NME6: variants seen among roughly 807,000 people sequenced by gnomAD.
The protein encoded by NME6 is nucleoside diphosphate kinase 6, mitochondrial.
Under a neutral mutation model 22.2 loss-of-function variants are expected in NME6, and 16 were observed. That is an observed-to-expected ratio of 0.72 (90% CI 0.49 to 1.09). NME6 has a LOEUF of 1.09. Among genes scored for constraint, NME6 ranks in the 50% least tolerant of loss-of-function variants. NME6 has a pLI of 0.00. For missense variants in NME6, 229 were observed against 239.0 expected, an observed-to-expected ratio of 0.96 and a Z score of 0.28; for synonymous variants, 58 against 85.2, an observed-to-expected ratio of 0.68 and a Z score of 1.76.
chr3:48,292,432 T>C lies in NME6; in HGVS notation c.*2205A>G, dbSNP rs1329713165. 1.3e-5 allele frequency: 2 copies of C among 152,216 alleles called. No homozygotes were observed. The highest frequency in any genetic ancestry group is 2.9e-5 in the Non-Finnish European group (2 of 68,042). The allele number at this position is 152,216 out of a possible 1,614,324, so 9.4% of individuals were successfully genotyped here. A position where few individuals can be genotyped will look rare whatever the true frequency, so the allele number is the denominator to read the frequency against. Reference sequence around the variant, plus strand: ...AATTCTGTGTCTCTTGTGGGTGTCTTAATTGTCAGATTTTGTACGCTTTGA... The same window carrying C: ...AATTCTGTGTCTCTTGTGGGTGTCTCAATTGTCAGATTTTGTACGCTTTGA... On this transcript the variant is annotated 3_prime_UTR_variant, in exon 6 of 6. Coordinates refer to ENST00000442597, the MANE Select transcript of NME6 (RefSeq NM_001308426.2).
chr3:48,301,155 G>A (rs2035656945), intron 1 of NME6, 198 bp downstream of exon 1: 1 of 1,050,374 alleles, frequency 9.5e-7, no homozygotes, highest in Middle Eastern at 3.3e-4. Context: ...ACCCACGCGC[G>A]GCCGGGACCT....
chr3:48,299,195 C>T, intron 1 of NME6: 1 of 497,900 alleles, frequency 2.0e-6, no homozygotes, highest in Non-Finnish European at 3.6e-6. Flanking sequence ...GAAACAGTGC[C>T]TGACACAAAG....
chr3:48,296,761 C>G lies in NME6; in HGVS notation c.159G>C (p.Lys53Asn). The change falls in exon 3 of 6, where the codon AAG becomes AAC. Residue 53 changes from lysine to asparagine, a missense_variant. Lys to Asn is a moderately conservative substitution (Grantham distance 94). Coordinates refer to ENST00000442597, the MANE Select transcript of NME6 (RefSeq NM_001308426.2). ...CTCGGTAAAACCTCTGGCAATCTTCCTTTCTCCACAGTAGTTCTCTCATTC... is the reference window on the plus strand; with the variant it reads ...CTCGGTAAAACCTCTGGCAATCTTCGTTTCTCCACAGTAGTTCTCTCATTC... ...IVRMRELLWR[K>N]EDCQRFYREH... The G allele has an allele frequency of 6.2e-7, 1 of 1,613,752 alleles. No individual in the cohort carries two copies. Among genetic ancestry groups the G allele is most frequent in the South Asian group, 1.1e-5 (1 of 91,058 alleles).
chr3:48,296,249 A>T, intron 3 of NME6, 91 bp from the exon 4 acceptor site: 1 of 1,573,652 alleles, frequency 6.4e-7, no homozygotes. Context: ...AGAATAATAA[A>T]AATTGTTTCA....
Position 48,293,596 on chromosome 3 carries a change from A to G in NME6, c.*1041T>C, listed in dbSNP as rs996370870. Reference sequence around the variant, plus strand: ...CTATATCTTTTATAAAAGACTTTCCACCCTATCTCCTTCACCTCCTCACCC... The same window carrying G: ...CTATATCTTTTATAAAAGACTTTCCGCCCTATCTCCTTCACCTCCTCACCC... On this transcript the variant is annotated 3_prime_UTR_variant, in exon 6 of 6. Coordinates refer to ENST00000442597, the MANE Select transcript of NME6 (RefSeq NM_001308426.2). The G allele has an allele frequency of 6.6e-6, 1 of 151,874 alleles. No individual in the cohort carries two copies. The highest frequency in any genetic ancestry group is 1.5e-5 in the Non-Finnish European group (1 of 67,974). 9.4% of individuals were successfully genotyped at this position (151,874 alleles called of 1,614,324 possible).
chr3:48,294,514 G>A lies in NME6; in HGVS notation c.*123C>T. ...TGTGCTGTGGTGAGCTAGGCCCTCA[G>A]GCAGGTGGTGGTGCCCAGCAGAAAT... On this transcript the variant is annotated 3_prime_UTR_variant, in exon 6 of 6. Coordinates refer to ENST00000442597, the MANE Select transcript of NME6 (RefSeq NM_001308426.2). 1 of 906,544 alleles carries A rather than the reference G, an allele frequency of 1.1e-6. No homozygotes were observed. The highest frequency in any genetic ancestry group is 2.4e-5 in the Admixed American group (1 of 42,476). The allele number at this position is 906,544 out of a possible 1,614,324, so 56.2% of individuals were successfully genotyped here. A position where few individuals can be genotyped will look rare whatever the true frequency, so the allele number is the denominator to read the frequency against.
chr3:48,294,940 A>C, intron 5 of NME6, 135 bp downstream of exon 5: 1 of 1,390,422 alleles, frequency 7.2e-7, no homozygotes, highest in Non-Finnish European at 9.9e-7. Context: ...TCCACAGGCC[A>C]CATCTGCCAA....
At chr3:48,300,153 A>G (rs544521516) in intron 1 of NME6, 25 of 438,170 alleles carry the variant, frequency 5.7e-5, no homozygotes, top group Non-Finnish European at 1.0e-4. Context: ...TGAACCACAC[A>G]TGAAAATCTA....
downstream of NME6, chr3:48,291,982 G>A (rs568797644): frequency 6.6e-6 from 1 of 152,342 alleles, no homozygotes; most frequent in East Asian, 1.9e-4. Context: ...AGCCAGGATG[G>A]TCTCGATCTC....
intron 1 of NME6, chr3:48,300,405 G>A: frequency 6.6e-6 from 3 of 451,136 alleles, no homozygotes; most frequent in South Asian, 4.7e-5. Context: ...TCCTGAATGT[G>A]CTTTCTCTGG....
intron 2 of NME6, 26 bp downstream of exon 2, chr3:48,298,401 G>A (rs753893815): frequency 2.4e-5 from 38 of 1,594,152 alleles, no homozygotes; most frequent in Non-Finnish European, 2.7e-5. Context: ...CAGGGCATGC[G>A]GTAGAGACTT....
intron 1 of NME6, chr3:48,300,402 T>C (rs1280238318): frequency 6.6e-6 from 3 of 453,056 alleles, no homozygotes; most frequent in Non-Finnish European, 1.3e-5. Context: ...CAGTCCTGAA[T>C]GTGCTTTCTC....
At chr3:48,290,938 C>A, downstream of NME6, 1 of 262,938 alleles carries the variant, frequency 3.8e-6, no homozygotes, top group Non-Finnish European at 7.5e-6. Context: ...TGCTGAGTAA[C>A]TCTCTGTGCT....
chr3:48,296,620 G>A (rs974962119), intron 3 of NME6, 107 bp downstream of exon 3: 14 of 753,818 alleles, frequency 1.9e-5, no homozygotes, highest in Non-Finnish European at 6.6e-6. Flanking sequence ...GGCTGCAACT[G>A]TACACGGTTG....
chr3:48,291,393 A>AT, downstream of NME6: 4 of 406,068 alleles, frequency 9.9e-6, no homozygotes, highest in South Asian at 5.6e-5. Context: ...TCATACTCTT[A>AT]TTTTTTTAAG....
Position 48,295,096 on chromosome 3 carries a change from G to C in NME6, c.373C>G (p.Arg125Gly). The change falls in exon 5 of 6, where the codon CGC becomes GGC. Residue 125 changes from arginine (R) to glycine (G), a missense_variant. Coordinates refer to ENST00000442597, the MANE Select transcript of NME6 (RefSeq NM_001308426.2). ...TCACCCGAACCATGGGTGGTGTTGC[G>C]GGTGTCAGTGAGGCCGAAACTCCCA... ...IRGSFGLTDT[R>G]NTTHGSDSVV... 6.2e-7 allele frequency: 1 copy of C among 1,614,090 alleles called. No individual in the cohort carries two copies. Among genetic ancestry groups the C allele is most frequent in the Non-Finnish European group, 8.5e-7 (1 of 1,180,010 alleles).
Position 48,292,849 on chromosome 3 carries a change from T to A in NME6, c.*1788A>T, listed in dbSNP as rs2034648521. 1 of 152,224 alleles carries A rather than the reference T, an allele frequency of 6.6e-6. No homozygotes were observed. The highest frequency in any genetic ancestry group is 1.5e-5 in the Non-Finnish European group (1 of 68,068). The allele number at this position is 152,224 out of a possible 1,614,324, so 9.4% of individuals were successfully genotyped here. A position where few individuals can be genotyped will look rare whatever the true frequency, so the allele number is the denominator to read the frequency against. On this transcript the variant is annotated 3_prime_UTR_variant, in exon 6 of 6. Coordinates refer to ENST00000442597, the MANE Select transcript of NME6 (RefSeq NM_001308426.2). Reference sequence around the variant, plus strand: ...ATAGGTGTGCCACTGTGCCCAGGTATTTCAAGGATTTTTGTACAGCAAATG... The same window carrying A: ...ATAGGTGTGCCACTGTGCCCAGGTAATTCAAGGATTTTTGTACAGCAAATG...
rs763313374 is a variant in NME6 at position 48,298,525 on chromosome 3, T to A, written c.-7-2A>T. The A allele has an allele frequency of 1.4e-5, 23 of 1,595,892 alleles. No homozygotes were observed. The South Asian group carries it at 2.5e-4, about 17-fold the overall frequency. On this transcript the variant is annotated splice_acceptor_variant, in intron 1 of 5. Coordinates refer to ENST00000442597, the MANE Select transcript of NME6 (RefSeq NM_001308426.2). LOFTEE classifies it low-confidence loss of function (5UTR_SPLICE). ...CGCAAGATTGAGGCCATCTCACTCC[T>A]GCCATTAGAGAGCTGTATTAGGAAC...
rs773289331 is a variant in NME6 at position 48,294,594 on chromosome 3, T to C, written c.*43A>G. 8 of 1,599,620 alleles carry C rather than the reference T, an allele frequency of 5.0e-6. No individual in the cohort carries two copies. The Admixed American group carries it at 1.3e-4, about 27-fold the overall frequency. On this transcript the variant is annotated 3_prime_UTR_variant, in exon 6 of 6. Transcript: ENST00000442597. Reference sequence around the variant, plus strand: ...AGGAGAATGTTTTAGACTAGATGTCTAGGAGAAGTCTGGGCACTACCACTG... The same window carrying C: ...AGGAGAATGTTTTAGACTAGATGTCCAGGAGAAGTCTGGGCACTACCACTG...
Sources: gnomAD v4.1 joint callset for allele counts on GRCh38, gnomAD v4.1.1 for gene constraint, MANE v1.5 for transcripts, NCBI Gene and HGNC (gene_info 2026-07-23, HGNC 2026-07-21) for gene names.